ULK4: variants seen among roughly 807,000 people sequenced by gnomAD.
ULK4 encodes inactive serine/threonine-protein kinase ULK4.
A neutral mutation model predicts 160.6 loss-of-function variants in ULK4; 133 were observed. That is an observed-to-expected ratio of 0.83 (90% CI 0.72 to 0.96). The LOEUF is 0.96. ULK4 is among the 40% of genes least tolerant of loss of function. The pLI, the probability that ULK4 is intolerant of heterozygous loss-of-function variation, is 0.00. For missense variants in ULK4, 1,580 were observed against 1,499.5 expected, an observed-to-expected ratio of 1.05 and a Z score of -0.89; for synonymous variants, 534 against 539.8, an observed-to-expected ratio of 0.99 and a Z score of 0.15.
intron 34 of ULK4, among the ~76,000 whole-genome samples, chr3:41,408,656 C>T (rs2082346854): frequency 6.6e-6 from 1 of 151,958 alleles, no homozygotes; most frequent in African/African-American, 2.4e-5. Flanking sequence ...ATAGCCAAAA[C>T]AACATTACAA....
intron 35 of ULK4, among the ~76,000 whole-genome samples, chr3:41,272,728 A>G (rs527362342): frequency 6.6e-6 from 1 of 152,178 alleles, no homozygotes; most frequent in Non-Finnish European, 1.5e-5. Flanking sequence ...CTCTTTCATT[A>G]GCTCCAATCA....
chr3:41,716,556 T>C (rs1408897186), intron 23 of ULK4, among the ~76,000 whole-genome samples: 2 of 152,264 alleles, frequency 1.3e-5, no homozygotes, highest in Non-Finnish European at 2.9e-5. Context: ...AATAATCTCC[T>C]AAAGCATCAG....
At chr3:41,646,670 C>G (rs2034508125) in intron 30 of ULK4, among the ~76,000 whole-genome samples, 1 of 152,106 alleles carries the variant, frequency 6.6e-6, no homozygotes, top group Non-Finnish European at 1.5e-5. Context: ...AATTATGTGT[C>G]TTGGAGTTGC....
chr3:41,491,564 C>T (rs1010752106), intron 32 of ULK4, among the ~76,000 whole-genome samples: 1 of 152,062 alleles, frequency 6.6e-6, no homozygotes, highest in Non-Finnish European at 1.5e-5. Context: ...ATTCAGTTAA[C>T]AGCATCATTA....
At chr3:41,535,567 A>T (rs2086469384) in intron 32 of ULK4, among the ~76,000 whole-genome samples, 1 of 152,236 alleles carries the variant, frequency 6.6e-6, no homozygotes, top group African/African-American at 2.4e-5. Context: ...TTGAGGCAGA[A>T]TTGATCAAAA....
chr3:41,774,059 AC>A (rs2039511110), intron 21 of ULK4, among the ~76,000 whole-genome samples: 1 of 152,196 alleles, frequency 6.6e-6, no homozygotes, highest in Non-Finnish European at 1.5e-5. Flanking sequence ...TACACCTTAT[AC>A]AAAAATCAAT....
At chr3:41,378,084 T>C (rs2081550341) in intron 35 of ULK4, among the ~76,000 whole-genome samples, 1 of 150,910 alleles carries the variant, frequency 6.6e-6, no homozygotes, top group African/African-American at 2.4e-5. Context: ...GGGACATGGA[T>C]GAAATTGGAA....
rs1460969446 is a variant in ULK4 at position 41,256,816 on chromosome 3, A to G, written c.3679-7242T>C. 2.6e-5 allele frequency among the ~76,000 whole-genome samples: 4 copies of G among 152,364 alleles called. No homozygotes were observed. The East Asian group carries it at 7.7e-4, about 29-fold the overall frequency. On this transcript the variant is annotated intron_variant, in intron 35 of 36. Transcript: ENST00000301831. ...CTTGGAGAAAATATTTGCAACTTACATATCTGATAAAGGACTTATATCAAG... is the reference window on the plus strand; with the variant it reads ...CTTGGAGAAAATATTTGCAACTTACGTATCTGATAAAGGACTTATATCAAG...
chr3:41,544,111 T>A (rs893477974), intron 32 of ULK4, among the ~76,000 whole-genome samples: 1 of 152,222 alleles, frequency 6.6e-6, no homozygotes, highest in Admixed American at 6.5e-5. Flanking sequence ...TTGTGATTTT[T>A]TGTTGAAAAC....
chr3:41,340,128 G>C (rs1051167418), intron 35 of ULK4, among the ~76,000 whole-genome samples: 2 of 152,234 alleles, frequency 1.3e-5, no homozygotes, highest in South Asian at 2.1e-4. Context: ...TGTTAATTTG[G>C]ATGGAAAGTA....
chr3:41,414,433 T>C (rs1450074721), intron 34 of ULK4, among the ~76,000 whole-genome samples: 1 of 151,106 alleles, frequency 6.6e-6, no homozygotes, highest in Non-Finnish European at 1.5e-5. Flanking sequence ...TGTGTTGTAT[T>C]TACTTTCCGT....
intron 32 of ULK4, among the ~76,000 whole-genome samples, chr3:41,484,845 T>C (rs1031924182): frequency 6.6e-6 from 1 of 152,202 alleles, no homozygotes; most frequent in African/African-American, 2.4e-5. Flanking sequence ...TCTGATACTT[T>C]ATGAGTCAGA....
intron 19 of ULK4, among the ~76,000 whole-genome samples, chr3:41,801,518 TA>T (rs2040458948): frequency 6.8e-6 from 1 of 146,824 alleles, no homozygotes; most frequent in Admixed American, 6.8e-5. Flanking sequence ...AGGTACATCA[TA>T]ATCAGACTGC....
chr3:41,411,455 T>C (rs2125827569), intron 34 of ULK4, among the ~76,000 whole-genome samples: 1 of 148,976 alleles, frequency 6.7e-6, no homozygotes, highest in African/African-American at 2.5e-5. Flanking sequence ...TGAGACAGAG[T>C]CTCACTCTGT....
chr3:41,350,867 C>A lies in ULK4; in HGVS notation c.3678+47212G>T, dbSNP rs7633657. ...AGACCAACCTTCAGGTTCTCTTCTT[C>A]CAGCACAGGGAAGTTCACAAGACAA... On this transcript the variant is annotated intron_variant, in intron 35 of 36. Coordinates refer to ENST00000301831, the MANE Select transcript of ULK4 (RefSeq NM_017886.4). Among the ~76,000 whole-genome samples the A allele has an allele frequency of 1.1e-3, 169 of 152,272 alleles. 2 individuals are homozygous for A. Among genetic ancestry groups the A allele is most frequent in the African/African-American group, 3.7e-3 (155 of 41,562 alleles).
At chr3:41,641,766 T>G (rs1312123186) in intron 30 of ULK4, among the ~76,000 whole-genome samples, 1 of 151,506 alleles carries the variant, frequency 6.6e-6, no homozygotes, top group African/African-American at 2.4e-5. Context: ...TGAGAGGAAA[T>G]GTAACATATT....
chr3:41,835,835 C>T, intron 18 of ULK4, 29 bp downstream of exon 18: 1 of 1,500,872 alleles, frequency 6.7e-7, no homozygotes, highest in Non-Finnish European at 9.2e-7. Context: ...ACATGTCAAA[C>T]AGCAACAGAG....
intron 17 of ULK4, among the ~76,000 whole-genome samples, chr3:41,874,834 G>T (rs1697241229): frequency 1.3e-5 from 2 of 152,086 alleles, no homozygotes; most frequent in African/African-American, 2.4e-5. Flanking sequence ...AAAACCACTT[G>T]CATTCCAAAA....
intron 34 of ULK4, among the ~76,000 whole-genome samples, chr3:41,420,989 C>T (rs1330667976): frequency 1.3e-5 from 2 of 151,852 alleles, no homozygotes; most frequent in Admixed American, 6.6e-5. Context: ...TGGTGCATGG[C>T]TGTAGTCGCA....
Sources: allele counts gnomAD v4.1 joint callset (sites outside exome capture counted in the v4.1 genomes callset), GRCh38; gene constraint gnomAD v4.1.1; transcripts MANE v1.5; gene names NCBI Gene and HGNC (gene_info 2026-07-23, HGNC 2026-07-21).